The following VAC14 variants were observed in gnomAD, a reference collection of about 807,000 sequenced individuals.
VAC14 encodes protein VAC14 homolog.
A neutral mutation model predicts 85.3 loss-of-function variants in VAC14; 47 were observed. The observed-to-expected ratio is 0.55, with a 90% CI of 0.44 to 0.70. The LOEUF (loss-of-function observed/expected upper bound fraction) is 0.70, where lower values mean the gene tolerates loss of function less well. Among genes scored for constraint, VAC14 ranks in the 30% least tolerant of loss-of-function variants. The pLI is 0.00. For synonymous variants in VAC14, 447 were observed against 430.5 expected, an observed-to-expected ratio of 1.04 and a Z score of -0.47; for missense variants, 861 against 1,004.3, an observed-to-expected ratio of 0.86 and a Z score of 1.93.
In VAC14 at chr16:70,731,412, G is replaced by A. The variant is rs1004686065; in HGVS notation, c.1661+83C>T. On this transcript the variant is annotated intron_variant, in intron 14 of 18. Transcript: ENST00000261776. ...AGGAGAGAGAAGGGAAAGAGAAGGT[G>A]GCTGCTTTGACACTTGAATGGCGTG... 4.5e-6 allele frequency: 7 copies of A among 1,546,056 alleles called. No individual in the cohort carries two copies. In the Admixed American group the frequency reaches 1.5e-4, roughly 32 times the overall value.
intron 9 of VAC14, chr16:70,772,970 G>T (rs1022072516): frequency 3.9e-5 from 6 of 152,324 alleles, no homozygotes; most frequent in African/African-American, 1.4e-4. Context: ...AAAGAAGCCA[G>T]TCATAAAAGA....
intron 1 of VAC14, among the ~76,000 whole-genome samples, chr16:70,795,576 T>G (rs1477320670): frequency 6.7e-6 from 1 of 148,360 alleles, no homozygotes; most frequent in Non-Finnish European, 1.5e-5. Context: ...GGTGGTAGGC[T>G]CCGAAGAACC....
intron 5 of VAC14, 76 bp from the exon 6 acceptor site, chr16:70,783,630 G>C: frequency 6.8e-7 from 1 of 1,466,902 alleles, no homozygotes; most frequent in African/African-American, 1.4e-5. Context: ...TCTGGGACTG[G>C]GCTGTAGGAA....
At chr16:70,768,800 G>T (rs1313406173) in intron 10 of VAC14, 1 of 453,580 alleles carries the variant, frequency 2.2e-6, no homozygotes, top group Non-Finnish European at 4.4e-6. Context: ...ATGTGGATGT[G>T]CATTTTTTTG....
intron 14 of VAC14, among the ~76,000 whole-genome samples, chr16:70,718,573 T>TAAA (rs1202785836): frequency 1.4e-5 from 2 of 143,206 alleles, no homozygotes; most frequent in East Asian, 2.1e-4. Context: ...GACTCCTTTT[T>TAAA]AAAAAAAAAA....
At chr16:70,711,159 C>A (rs2054025153) in intron 14 of VAC14, among the ~76,000 whole-genome samples, 1 of 152,236 alleles carries the variant, frequency 6.6e-6, no homozygotes, top group South Asian at 2.1e-4. Context: ...AACCCCAGAG[C>A]CTGGCTGTAT....
chr16:70,789,005 T>C (rs916734189), intron 1 of VAC14, among the ~76,000 whole-genome samples: 1 of 152,240 alleles, frequency 6.6e-6, no homozygotes, highest in Non-Finnish European at 1.5e-5. Flanking sequence ...ACTCCTGTTG[T>C]GCTGTCCTCA....
intron 12 of VAC14, among the ~76,000 whole-genome samples, chr16:70,748,414 G>A (rs527284345): frequency 2.0e-5 from 3 of 152,236 alleles, no homozygotes; most frequent in African/African-American, 4.8e-5. Context: ...TGATGCCTGG[G>A]GGGGAGCCAG....
At chr16:70,735,786 C>T (rs1360574684) in intron 13 of VAC14, among the ~76,000 whole-genome samples, 1 of 152,262 alleles carries the variant, frequency 6.6e-6, no homozygotes, top group Non-Finnish European at 1.5e-5. Context: ...CTGCATTGTG[C>T]TGGGTCCCTG....
rs189887456 is a variant in VAC14, at chr16:70,780,155, T to C, written c.1096+635A>G. Among the ~76,000 whole-genome samples the C allele has an allele frequency of 1.7e-3, 260 of 152,134 alleles. 3 individuals carry two copies. Among genetic ancestry groups the C allele is most frequent in the South Asian group, 0.012 (56 of 4,816 alleles). On this transcript the variant is annotated intron_variant, in intron 9 of 18. Transcript: ENST00000261776. ...ACCCAGCCCGGCCATAAATGTGGTT[T>C]CTTATAATGCAGTTTTCTTTACCTT...
At chr16:70,755,752 C>T (rs569364175) in intron 12 of VAC14, among the ~76,000 whole-genome samples, 35 of 152,296 alleles carry the variant, frequency 2.3e-4, no homozygotes, top group Admixed American at 6.5e-4. Context: ...GTGGAGGGGC[C>T]GTCATTGGCT....
At chr16:70,786,669 A>G (rs540500932) in intron 1 of VAC14, among the ~76,000 whole-genome samples, 1 of 152,350 alleles carries the variant, frequency 6.6e-6, no homozygotes, top group East Asian at 1.9e-4. Flanking sequence ...TTATCAGTTG[A>G]TCAACTGTCT....
chr16:70,791,039 C>T (rs1326073861), intron 1 of VAC14, among the ~76,000 whole-genome samples: 10 of 152,206 alleles, frequency 6.6e-5, no homozygotes, highest in Non-Finnish European at 1.0e-4. Flanking sequence ...TTATCTGACA[C>T]TTGGGGCAAG....
chr16:70,701,526 GC>G (rs2142992738), intron 14 of VAC14, among the ~76,000 whole-genome samples: 1 of 152,168 alleles, frequency 6.6e-6, no homozygotes, highest in East Asian at 1.9e-4. Flanking sequence ...CGGCCACCCT[GC>G]CCCACACACC....
chr16:70,690,032 T>A, intron 18 of VAC14: 2 of 985,370 alleles, frequency 2.0e-6, no homozygotes, highest in Non-Finnish European at 2.4e-6. Flanking sequence ...ATGACACTCC[T>A]GGCAAGCCAA....
At chr16:70,777,499 T>A (rs1053455357) in intron 9 of VAC14, among the ~76,000 whole-genome samples, 3 of 152,190 alleles carry the variant, frequency 2.0e-5, no homozygotes, top group Non-Finnish European at 4.4e-5. Flanking sequence ...CTGCCATTCC[T>A]GAGACAATCA....
In VAC14 at chr16:70,691,911, C is replaced by A. The variant is rs867525021; in HGVS notation, c.2186+910G>T. 125 of 985,288 alleles carry A rather than the reference C, an allele frequency of 1.3e-4. No individual in the cohort carries two copies. In the African/African-American group the frequency reaches 2.1e-3, roughly 16 times the overall value. The allele number at this position is 985,288 out of a possible 1,614,324, so 61.0% of individuals were successfully genotyped here. On this transcript the variant is annotated intron_variant, in intron 18 of 18. Transcript: ENST00000261776. ...AAAGGCGAGCACCCGAGGCCCTTTG[C>A]TGGAGCAAGGCGCCAGGCCTGCTGA...
chr16:70,732,988 G>T (rs759985509), intron 13 of VAC14, among the ~76,000 whole-genome samples: 2 of 152,132 alleles, frequency 1.3e-5, no homozygotes, highest in Non-Finnish European at 2.9e-5. Flanking sequence ...GCTTTATTGA[G>T]ATATCATCCA....
At chr16:70,788,627 G>A (rs1019406372) in intron 1 of VAC14, among the ~76,000 whole-genome samples, 2 of 152,242 alleles carry the variant, frequency 1.3e-5, no homozygotes, top group African/African-American at 4.8e-5. Flanking sequence ...ATCTGGCAGA[G>A]TGCCTAAGTA....
Sources: allele counts gnomAD v4.1 joint callset (sites outside exome capture counted in the v4.1 genomes callset), GRCh38; gene constraint gnomAD v4.1.1; transcripts MANE v1.5; gene names NCBI Gene and HGNC (gene_info 2026-07-23, HGNC 2026-07-21).